The following PMEPA1 variants were observed in gnomAD, a reference collection of about 807,000 sequenced individuals.
PMEPA1 encodes the protein prostate transmembrane protein, androgen induced 1.
Under a neutral mutation model 23.0 loss-of-function variants are expected in PMEPA1, and 11 were observed. The ratio of observed to expected loss-of-function variants is 0.48; its 90% CI spans 0.30 to 0.79. The LOEUF is 0.79. PMEPA1 is among the 30% of genes least tolerant of loss of function. The pLI, the probability that PMEPA1 is intolerant of heterozygous loss-of-function variation, is 0.06. For synonymous variants in PMEPA1, 204 were observed against 166.4 expected, an observed-to-expected ratio of 1.23 and a Z score of -1.74; for missense variants, 377 against 390.9, an observed-to-expected ratio of 0.96 and a Z score of 0.30.
intron 1 of PMEPA1, among the ~76,000 whole-genome samples, chr20:57,684,931 A>G (rs183751756): frequency 1.5e-4 from 23 of 152,272 alleles, no homozygotes; most frequent in Admixed American, 1.2e-3. Context: ...CGATGATGGT[A>G]TAAAATTAGC....
intron 1 of PMEPA1, among the ~76,000 whole-genome samples, chr20:57,685,391 A>C (rs1265669119): frequency 6.6e-6 from 1 of 152,216 alleles, no homozygotes; most frequent in Non-Finnish European, 1.5e-5. Flanking sequence ...ACCTTGTCAG[A>C]TCTCTCTCCC....
At chr20:57,661,852 C>A (rs889509257) in intron 1 of PMEPA1, among the ~76,000 whole-genome samples, 1 of 152,252 alleles carries the variant, frequency 6.6e-6, no homozygotes, top group African/African-American at 2.4e-5. Context: ...ACACCTGTGT[C>A]CACTGCCACT....
rs1412685521 is a variant in PMEPA1, at chr20:57,649,328, G to C, written c.*2725C>G. The C allele has an allele frequency of 6.6e-6, 1 of 152,192 alleles. No individual in the cohort carries two copies. Among genetic ancestry groups the C allele is most frequent in the African/African-American group, 2.4e-5 (1 of 41,436 alleles). The allele number at this position is 152,192 out of a possible 1,614,324, so 9.4% of individuals were successfully genotyped here. ...GAGAGCTTAACTCTGGTCGTTTCCA[G>C]AGACAACCTGCTGGCTGTCTTGGGA... On this transcript the variant is annotated 3_prime_UTR_variant, in exon 4 of 4. Transcript: ENST00000341744.
At chr20:57,681,807 T>C (rs1210932827) in intron 1 of PMEPA1, among the ~76,000 whole-genome samples, 2 of 152,128 alleles carry the variant, frequency 1.3e-5, no homozygotes, top group African/African-American at 4.8e-5. Flanking sequence ...GAACTGGACA[T>C]GGCCACCACA....
intron 1 of PMEPA1, among the ~76,000 whole-genome samples, chr20:57,669,877 G>GA (rs3838937): frequency 0.03 from 4,428 of 148,602 alleles, 150 homozygotes; most frequent in African/African-American, 0.086. Flanking sequence ...GTAAAAGAGG[G>GA]AAAAAAAAAA....
chr20:57,658,917 C>A (rs1568963464), intron 2 of PMEPA1, among the ~76,000 whole-genome samples: 2 of 152,220 alleles, frequency 1.3e-5, no homozygotes, highest in Non-Finnish European at 2.9e-5. Context: ...CCCCTCGTCT[C>A]CACCATCCTG....
Position 57,684,573 on chromosome 20 carries a change from G to A in PMEPA1, c.110-24876C>T, listed in dbSNP as rs183245722. Among the ~76,000 whole-genome samples the A allele has an allele frequency of 3.5e-3, 540 of 152,338 alleles. 1 individual carries two copies. The highest frequency in any genetic ancestry group is 6.3e-3 in the Non-Finnish European group (429 of 68,032). On this transcript the variant is annotated intron_variant, in intron 1 of 3. Transcript: ENST00000341744. ...CTCTGCACCGGTTCCTGTTGGGCGG[G>A]TGATGGGTGATTGGGGGGCCCGGGA...
At chr20:57,660,103 C>T (rs369489613) in intron 1 of PMEPA1, among the ~76,000 whole-genome samples, 1 of 152,152 alleles carries the variant, frequency 6.6e-6, no homozygotes. Flanking sequence ...TGGCTCCTGT[C>T]GCTGGGCAAA....
At position 57,652,272 on chromosome 20, in the gene PMEPA1, G is replaced by T; in HGVS notation, c.645C>A (p.Ser215Arg). 3.1e-6 allele frequency: 5 copies of T among 1,608,766 alleles called. No homozygotes were observed. The highest frequency in any genetic ancestry group is 4.2e-6 in the Non-Finnish European group (5 of 1,179,544). Residue 215 changes from serine (S) to arginine (R), a missense_variant, in exon 4 of 4, where the codon AGC becomes AGA. This residue lies in a region of PMEPA1 where 176 missense variants were observed against 173.0 expected (regional missense o/e 1.02). Coordinates refer to ENST00000341744, the MANE Select transcript of PMEPA1 (RefSeq NM_020182.5). This position sits in a 1 kb window ranked among gnomAD's most constrained non-coding sequence, Gnocchi z 6.1. The part of the protein sequence containing the change: ...PCPPSSNSGI[S>R]ATCYGSGGRM... The stretch of plus-strand genomic sequence containing the variant: ...GCCCGCCGCTGCCGTAGCACGTGGC[G>T]CTGATGCCCGAGTTACTGCTGGGGG...
In PMEPA1 at chr20:57,649,813, T is replaced by C. The variant is rs1255803414; in HGVS notation, c.*2240A>G. 6.6e-6 allele frequency: 1 copy of C among 152,584 alleles called. No homozygotes were observed. The highest frequency in any genetic ancestry group is 1.9e-4 in the East Asian group (1 of 5,186). The allele number at this position is 152,584 out of a possible 1,614,324, so 9.5% of individuals were successfully genotyped here. A position where few individuals can be genotyped will look rare whatever the true frequency, so the allele number is the denominator to read the frequency against. On this transcript the variant is annotated 3_prime_UTR_variant, in exon 4 of 4. Transcript: ENST00000341744. The stretch of plus-strand genomic sequence containing the variant: ...GCCCTTGGTGGACCCTGGGAGGGGA[T>C]ACCAGTCCCAGGTGAGTGAGGCACT...
rs62204322 is a variant in PMEPA1 at position 57,680,626 on chromosome 20, C to T, written c.110-20929G>A. Among the ~76,000 whole-genome samples, 1,488 of 152,332 alleles carry T rather than the reference C, an allele frequency of 9.8e-3. 20 individuals are homozygous for T. Among genetic ancestry groups the T allele is most frequent in the South Asian group, 0.043 (208 of 4,826 alleles). ...ACATTAGCTAGGCAACAGCTGATTC[C>T]TAATTAGGCCTCAATGTGAAGACAG... On this transcript the variant is annotated intron_variant, in intron 1 of 3. Coordinates refer to ENST00000341744, the MANE Select transcript of PMEPA1 (RefSeq NM_020182.5).
chr20:57,650,178 C>T lies in PMEPA1; in HGVS notation c.*1875G>A, dbSNP rs2071205194. The T allele has an allele frequency of 6.6e-6, 1 of 152,234 alleles. No homozygotes were observed. Among genetic ancestry groups the T allele is most frequent in the Admixed American group, 6.5e-5 (1 of 15,290 alleles). 9.4% of individuals were successfully genotyped at this position (152,234 alleles called of 1,614,324 possible). On this transcript the variant is annotated 3_prime_UTR_variant, in exon 4 of 4. Coordinates refer to ENST00000341744, the MANE Select transcript of PMEPA1 (RefSeq NM_020182.5). Reference sequence around the variant, plus strand: ...CATGCATGAGCTCGAGTGGCTAGAACTTCAAAACTGTGCTCAGGTTTTTGT... The same window carrying T: ...CATGCATGAGCTCGAGTGGCTAGAATTTCAAAACTGTGCTCAGGTTTTTGT...
chr20:57,680,817 C>A (rs1568976300), intron 1 of PMEPA1, among the ~76,000 whole-genome samples: 1 of 152,236 alleles, frequency 6.6e-6, no homozygotes, highest in Non-Finnish European at 1.5e-5. Flanking sequence ...CACCGATCAA[C>A]GCACACTGGC....
chr20:57,676,785 G>C (rs558194732), intron 1 of PMEPA1, among the ~76,000 whole-genome samples: 2 of 152,314 alleles, frequency 1.3e-5, no homozygotes, highest in Admixed American at 6.5e-5. Flanking sequence ...GTGGCCAAAG[G>C]AGGAGGAGAG....
rs951994542 is a variant in PMEPA1, at chr20:57,649,845, G to C, written c.*2208C>G. 3.9e-5 allele frequency: 6 copies of C among 152,610 alleles called. No homozygotes were observed. The highest frequency in any genetic ancestry group is 1.4e-4 in the African/African-American group (6 of 41,426). The allele number at this position is 152,610 out of a possible 1,614,324, so 9.5% of individuals were successfully genotyped here. A position where few individuals can be genotyped will look rare whatever the true frequency, so the allele number is the denominator to read the frequency against. On this transcript the variant is annotated 3_prime_UTR_variant, in exon 4 of 4. Coordinates refer to ENST00000341744, the MANE Select transcript of PMEPA1 (RefSeq NM_020182.5). ...CCCAGGTGAGTGAGGCACTGTCCGG[G>C]AACGTCCTCACCGAGCGACGGGAGT...
chr20:57,707,836 GCAAGACTCTC>G (rs1309231200), intron 1 of PMEPA1, among the ~76,000 whole-genome samples: 1 of 152,062 alleles, frequency 6.6e-6, no homozygotes, highest in East Asian at 1.9e-4. Context: ...TCCATCTAAG[GCAAGACTCTC>G]CAAACGTGTG....
chr20:57,661,701 G>A (rs2071421361), intron 1 of PMEPA1, among the ~76,000 whole-genome samples: 1 of 152,166 alleles, frequency 6.6e-6, no homozygotes, highest in Non-Finnish European at 1.5e-5. Flanking sequence ...GACAGCCCAG[G>A]CAAGCACACT....
chr20:57,651,355 C>T lies in PMEPA1; in HGVS notation c.*698G>A, dbSNP rs559888046. The T allele has an allele frequency of 6.5e-6, 1 of 152,826 alleles. No individual in the cohort carries two copies. Among genetic ancestry groups the T allele is most frequent in the South Asian group, 2.1e-4 (1 of 4,826 alleles). The allele number at this position is 152,826 out of a possible 1,614,324, so 9.5% of individuals were successfully genotyped here. Reference sequence around the variant, plus strand: ...CTGCCGTCAGGCGACTCTGAAATTCCGACATTTCTCCCTTAAAGTCTCAAC... The same window carrying T: ...CTGCCGTCAGGCGACTCTGAAATTCTGACATTTCTCCCTTAAAGTCTCAAC... On this transcript the variant is annotated 3_prime_UTR_variant, in exon 4 of 4. Transcript: ENST00000341744.
At chr20:57,665,298 G>A (rs2071476851) in intron 1 of PMEPA1, among the ~76,000 whole-genome samples, 1 of 152,160 alleles carries the variant, frequency 6.6e-6, no homozygotes, top group Non-Finnish European at 1.5e-5. Context: ...TGAGACTTGA[G>A]CCCAGAGCCG....
Sources: allele counts gnomAD v4.1 joint callset (sites outside exome capture counted in the v4.1 genomes callset), GRCh38; gene constraint gnomAD v4.1.1; regional missense constraint gnomAD v4.1.1; non-coding constraint Gnocchi (gnomAD v3.1); transcripts MANE v1.5; gene names NCBI Gene and HGNC (gene_info 2026-07-23, HGNC 2026-07-21).